The following NPAS3 variants were observed in gnomAD, a reference collection of about 807,000 sequenced individuals.
NPAS3 encodes the protein neuronal PAS domain-containing protein 3.
In NPAS3, 14 loss-of-function variants were observed where a neutral mutation model predicts 73.1. That is an observed-to-expected ratio of 0.19 (90% CI 0.13 to 0.30). The LOEUF is 0.30. Among genes scored for constraint, NPAS3 ranks in the 10% least tolerant of loss-of-function variants. NPAS3 has a pLI of 1.00. For synonymous variants in NPAS3, 620 were observed against 541.5 expected (o/e 1.14, Z -2.01); for missense variants, 1,096 against 1,250.0 (o/e 0.88, Z 1.86).
At chr14:32,975,207 A>C (rs1292040852) in intron 1 of NPAS3, among the ~76,000 whole-genome samples, 1 of 151,580 alleles carries the variant, frequency 6.6e-6, no homozygotes, top group Non-Finnish European at 1.5e-5. Flanking sequence ...CAGCACAGAG[A>C]ACTTGCATTA....
intron 9 of NPAS3, among the ~76,000 whole-genome samples, chr14:33,786,174 T>C (rs561007952): frequency 6.6e-6 from 1 of 152,280 alleles, no homozygotes; most frequent in African/African-American, 2.4e-5. Flanking sequence ...CAGACTTTTG[T>C]TATCCAGAAG....
intron 5 of NPAS3, among the ~76,000 whole-genome samples, chr14:33,606,230 C>T (rs1239880184): frequency 7.7e-5 from 10 of 129,564 alleles, no homozygotes; most frequent in Non-Finnish European, 1.5e-4. Context: ...CCCCTCCCCC[C>T]ACCCCACAAC....
chr14:33,602,697 G>T (rs987453949), intron 5 of NPAS3, among the ~76,000 whole-genome samples: 2 of 151,950 alleles, frequency 1.3e-5, no homozygotes, highest in African/African-American at 4.8e-5. Flanking sequence ...TTTTTGTTTT[G>T]TTTCATTTGG....
intron 5 of NPAS3, among the ~76,000 whole-genome samples, chr14:33,580,076 A>C (rs777245482): frequency 6.6e-6 from 1 of 152,194 alleles, no homozygotes. Flanking sequence ...GGTAGTCTTG[A>C]AGCTACTGTC....
chr14:33,682,255 T>A (rs997871031), intron 6 of NPAS3, among the ~76,000 whole-genome samples: 1 of 152,192 alleles, frequency 6.6e-6, no homozygotes, highest in African/African-American at 2.4e-5. Flanking sequence ...GCTGTAGCAA[T>A]GATCGGGACA....
At chr14:33,712,117 T>C (rs529581950) in intron 6 of NPAS3, among the ~76,000 whole-genome samples, 2 of 152,254 alleles carry the variant, frequency 1.3e-5, no homozygotes, top group South Asian at 4.1e-4. Flanking sequence ...TACTCCACTT[T>C]GTTCTAAAAA....
intron 2 of NPAS3, among the ~76,000 whole-genome samples, chr14:33,213,110 G>C (rs2047097344): frequency 6.6e-6 from 1 of 152,182 alleles, no homozygotes; most frequent in Non-Finnish European, 1.5e-5. Flanking sequence ...CTCTTGGCCA[G>C]AGTTGTCCTT....
chr14:32,986,432 A>G (rs1762730904), intron 1 of NPAS3, among the ~76,000 whole-genome samples: 1 of 152,154 alleles, frequency 6.6e-6, no homozygotes, highest in African/African-American at 2.4e-5. Flanking sequence ...GACACAGCTG[A>G]TTTCCTTTGA....
At chr14:33,764,511 A>G (rs1026095902) in intron 7 of NPAS3, among the ~76,000 whole-genome samples, 4 of 152,262 alleles carry the variant, frequency 2.6e-5, no homozygotes, top group Admixed American at 6.5e-5. Context: ...GTAGTACAGT[A>G]CTTCTTCCTG....
intron 4 of NPAS3, among the ~76,000 whole-genome samples, chr14:33,497,154 C>T (rs1057158251): frequency 3.3e-5 from 5 of 152,042 alleles, no homozygotes; most frequent in African/African-American, 7.2e-5. Context: ...ATGTGAAGGA[C>T]CTCTTCAAGG....
chr14:33,092,897 G>T (rs1165246933), intron 2 of NPAS3, among the ~76,000 whole-genome samples: 1 of 152,180 alleles, frequency 6.6e-6, no homozygotes, highest in Non-Finnish European at 1.5e-5. Flanking sequence ...AAATGGTGCT[G>T]GGAAAACTGA....
chr14:33,121,335 A>G (rs2043223750), intron 2 of NPAS3, among the ~76,000 whole-genome samples: 1 of 152,158 alleles, frequency 6.6e-6, no homozygotes, highest in South Asian at 2.1e-4. Context: ...GGCAGACAGA[A>G]TGAGTTGCCC....
chr14:33,197,267 G>GTGTGTGTGTTT (rs1555353807), intron 2 of NPAS3, among the ~76,000 whole-genome samples: 1 of 148,722 alleles, frequency 6.7e-6, no homozygotes. Flanking sequence ...GTGTGTGTGT[G>GTGTGTGTGTTT]TTCTTTTTCA....
chr14:33,391,714 C>T (rs1227084213), intron 4 of NPAS3, among the ~76,000 whole-genome samples: 5 of 152,052 alleles, frequency 3.3e-5, no homozygotes, highest in South Asian at 2.1e-4. Flanking sequence ...AAATAGAAAA[C>T]GCACAAAGTG....
chr14:33,363,922 C>CTCTGTG (rs2045717223), intron 3 of NPAS3, among the ~76,000 whole-genome samples: 2 of 148,772 alleles, frequency 1.3e-5, no homozygotes, highest in Admixed American at 1.3e-4. Flanking sequence ...GCAATGCCCT[C>CTCTGTG]TGTGTGTGTG....
chr14:33,121,042 T>C (rs1463489132), intron 2 of NPAS3, among the ~76,000 whole-genome samples: 1 of 152,102 alleles, frequency 6.6e-6, no homozygotes, highest in Non-Finnish European at 1.5e-5. Context: ...CTCAGAATGT[T>C]TGAATCCCTC....
At chr14:33,476,272 C>T (rs1277797693) in intron 4 of NPAS3, among the ~76,000 whole-genome samples, 1 of 152,164 alleles carries the variant, frequency 6.6e-6, no homozygotes, top group South Asian at 2.1e-4. Flanking sequence ...CCTCTATGCT[C>T]ATTGTAATTT....
intron 4 of NPAS3, among the ~76,000 whole-genome samples, chr14:33,389,628 A>G (rs1393332778): frequency 2.6e-5 from 4 of 152,176 alleles, no homozygotes; most frequent in Admixed American, 6.6e-5. Context: ...TCTTAATTTT[A>G]TTGAATAAAT....
intron 1 of NPAS3, among the ~76,000 whole-genome samples, chr14:32,986,224 A>G (rs2038091996): frequency 6.6e-6 from 1 of 152,202 alleles, no homozygotes; most frequent in Non-Finnish European, 1.5e-5. Flanking sequence ...TTTCCCTCCA[A>G]GTGTGACCTG....
Sources: gnomAD v4.1 joint callset for allele counts (sites outside exome capture counted in the v4.1 genomes callset) on GRCh38, gnomAD v4.1.1 for gene constraint, MANE v1.5 for transcripts, NCBI Gene and HGNC (gene_info 2026-07-23, HGNC 2026-07-21) for gene names.